PINX1: variants seen among roughly 807,000 people sequenced by gnomAD.
The protein encoded by PINX1 is PIN2 (TERF1) interacting telomerase inhibitor 1, also known as PIN2/TERF1-interacting telomerase inhibitor 1.
Under a neutral mutation model 25.4 loss-of-function variants are expected in PINX1, and 34 were observed. That is an observed-to-expected ratio of 1.34 (90% confidence interval 1.02 to 1.78). PINX1 has a LOEUF of 1.78. Among genes scored for constraint, PINX1 ranks in the 40% most tolerant of loss-of-function variants. PINX1 has a pLI of 0.00. For missense variants in PINX1, 592 were observed against 404.9 expected, an observed-to-expected ratio of 1.46 and a Z score of -3.97; for synonymous variants, 197 against 147.7, an observed-to-expected ratio of 1.33 and a Z score of -2.42.
At chr8:10,833,953 A>C (rs1416788320) in intron 2 of PINX1, among the ~76,000 whole-genome samples, 1 of 152,218 alleles carries the variant, frequency 6.6e-6, no homozygotes, top group African/African-American at 2.4e-5. Context: ...ACTCAAGTGG[A>C]AATATCAAGT....
At chr8:10,789,708 G>A (rs1417002439) in intron 6 of PINX1, among the ~76,000 whole-genome samples, 1 of 152,140 alleles carries the variant, frequency 6.6e-6, no homozygotes, top group East Asian at 1.9e-4. Flanking sequence ...GTGTTCAATT[G>A]TTTTTCAAGT....
intron 1 of PINX1, among the ~76,000 whole-genome samples, chr8:10,836,057 T>C (rs981079318): frequency 6.6e-6 from 1 of 152,048 alleles, no homozygotes; most frequent in East Asian, 1.9e-4. Flanking sequence ...TATAAGCACA[T>C]TGTCTCACCA....
chr8:10,831,827 A>T, intron 3 of PINX1, 84 bp from the exon 4 acceptor site: 2 of 751,116 alleles, frequency 2.7e-6, no homozygotes, highest in South Asian at 3.2e-5. Flanking sequence ...AATCAAGGAA[A>T]TCCAGTGGTT....
At chr8:10,777,894 T>C (rs570056011) in intron 6 of PINX1, among the ~76,000 whole-genome samples, 3 of 152,170 alleles carry the variant, frequency 2.0e-5, no homozygotes, top group Admixed American at 2.0e-4. Flanking sequence ...GCAGAGCGGG[T>C]GCCTTCCACA....
intron 6 of PINX1, among the ~76,000 whole-genome samples, chr8:10,773,695 T>C (rs1258071213): frequency 6.6e-6 from 1 of 152,242 alleles, no homozygotes; most frequent in Non-Finnish European, 1.5e-5. Flanking sequence ...GCTATTCCGA[T>C]TGCCACTTAT....
intron 6 of PINX1, among the ~76,000 whole-genome samples, chr8:10,810,331 G>C (rs114299158): frequency 0.02 from 3,052 of 152,264 alleles, 118 homozygotes; most frequent in African/African-American, 0.069. Flanking sequence ...ACTGGCATTT[G>C]TGTTGGAGGC....
rs537602535 is a variant in PINX1, at chr8:10,774,284, C to CT, written c.472-8369dup. Reference sequence around the variant, plus strand: ...TTCTAATTTCTAAAAAGAATAAGGTCTTTTTTTTTTTTTTGAGACGGAGTT... The same window carrying CT: ...TTCTAATTTCTAAAAAGAATAAGGTCTTTTTTTTTTTTTTTGAGACGGAGTT... On this transcript the variant is annotated intron_variant, in intron 6 of 6. Transcript: ENST00000314787. Among the ~76,000 whole-genome samples the CT allele has an allele frequency of 2.3e-3, 330 of 144,428 alleles. 3 individuals carry two copies. Among genetic ancestry groups the CT allele is most frequent in the Middle Eastern group, 0.018 (5 of 276 alleles). 94.8% of individuals were successfully genotyped at this position (144,428 alleles called of 152,430 possible).
At chr8:10,827,557 G>T (rs547615141) in intron 4 of PINX1, among the ~76,000 whole-genome samples, 1 of 152,114 alleles carries the variant, frequency 6.6e-6, no homozygotes, top group South Asian at 2.1e-4. Context: ...ATAGGCAGAA[G>T]AGAGACTAAA....
intron 6 of PINX1, among the ~76,000 whole-genome samples, chr8:10,792,132 G>A (rs1010825308): frequency 3.3e-5 from 5 of 152,184 alleles, no homozygotes; most frequent in African/African-American, 1.2e-4. Flanking sequence ...GAGACCTAGA[G>A]AATTATCCTC....
intron 6 of PINX1, among the ~76,000 whole-genome samples, chr8:10,802,830 C>T (rs1238373118): frequency 2.0e-5 from 3 of 152,314 alleles, no homozygotes; most frequent in African/African-American, 7.2e-5. Context: ...TCTCCTGGGA[C>T]AACTATCTTT....
intron 1 of PINX1, among the ~76,000 whole-genome samples, chr8:10,835,119 C>T (rs1277526807): frequency 1.3e-5 from 2 of 152,234 alleles, no homozygotes; most frequent in Non-Finnish European, 2.9e-5. Flanking sequence ...GCATCCTCAT[C>T]ACCATCAGCA....
At chr8:10,817,528 A>C (rs1360344675) in intron 6 of PINX1, among the ~76,000 whole-genome samples, 1 of 152,250 alleles carries the variant, frequency 6.6e-6, no homozygotes, top group African/African-American at 2.4e-5. Context: ...ATAAATGTAG[A>C]GGTCATTTTG....
chr8:10,775,359 T>A (rs1376723790), intron 6 of PINX1, among the ~76,000 whole-genome samples: 1 of 150,772 alleles, frequency 6.6e-6, no homozygotes, highest in Non-Finnish European at 1.5e-5. Flanking sequence ...CCCTCCAGCA[T>A]GCTGCTTCTC....
chr8:10,827,672 C>T (rs925285089), intron 4 of PINX1, among the ~76,000 whole-genome samples: 5 of 151,274 alleles, frequency 3.3e-5, no homozygotes, highest in Admixed American at 1.3e-4. Flanking sequence ...TTTGGTAGGC[C>T]GCAGCAGGCA....
chr8:10,784,901 C>G (rs1801699239), intron 6 of PINX1, among the ~76,000 whole-genome samples: 2 of 152,200 alleles, frequency 1.3e-5, no homozygotes, highest in Non-Finnish European at 2.9e-5. Context: ...CAGCCTCGTG[C>G]TCTTTGGCAG....
intron 6 of PINX1, among the ~76,000 whole-genome samples, chr8:10,812,484 G>A (rs1168938927): frequency 1.3e-5 from 2 of 152,170 alleles, no homozygotes; most frequent in Admixed American, 6.5e-5. Flanking sequence ...CCAAGGAGAC[G>A]TGCACTGTGG....
At chr8:10,812,731 G>T (rs542208452) in intron 6 of PINX1, among the ~76,000 whole-genome samples, 8 of 152,318 alleles carry the variant, frequency 5.3e-5, no homozygotes, top group Admixed American at 5.2e-4. Context: ...GGCCCGCACA[G>T]AGCCGTTCAA....
intron 6 of PINX1, among the ~76,000 whole-genome samples, chr8:10,784,946 A>C (rs1018843586): frequency 1.3e-5 from 2 of 152,248 alleles, no homozygotes; most frequent in Admixed American, 6.5e-5. Context: ...GCAAACTCTG[A>C]GTGAACTTCC....
intron 6 of PINX1, among the ~76,000 whole-genome samples, chr8:10,790,063 C>T (rs541508805): frequency 6.6e-6 from 1 of 152,152 alleles, no homozygotes; most frequent in African/African-American, 2.4e-5. Context: ...ACCCTCATCT[C>T]GACAAGACAC....
Sources: allele counts gnomAD v4.1 joint callset (sites outside exome capture counted in the v4.1 genomes callset), GRCh38; gene constraint gnomAD v4.1.1; transcripts MANE v1.5; gene names NCBI Gene and HGNC (gene_info 2026-07-23, HGNC 2026-07-21).